Variants in ARHGAP25 observed in about 807,000 individuals in gnomAD.
The protein encoded by ARHGAP25 is Rho GTPase activating protein 25.
A neutral mutation model predicts 71.0 loss-of-function variants in ARHGAP25; 34 were observed. The ratio of observed to expected loss-of-function variants is 0.48; its 90% CI spans 0.36 to 0.64. The LOEUF (loss-of-function observed/expected upper bound fraction) is 0.64. Ranked by LOEUF, ARHGAP25 falls within the 30% of genes least tolerant of loss-of-function variation. ARHGAP25 has a pLI of 0.00. For synonymous variants in ARHGAP25, 282 were observed against 296.5 expected, an observed-to-expected ratio of 0.95 and a Z score of 0.50; for missense variants, 706 against 805.1, an observed-to-expected ratio of 0.88 and a Z score of 1.49.
At chr2:68,721,209 G>A (rs558065049) in intron 2 of ARHGAP25, among the ~76,000 whole-genome samples, 9 of 152,238 alleles carry the variant, frequency 5.9e-5, no homozygotes, top group Admixed American at 2.6e-4. Context: ...GGTTGGTGAC[G>A]CCTTTTATGA....
At chr2:68,765,569 A>G (rs1011017741) in intron 1 of ARHGAP25, among the ~76,000 whole-genome samples, 6 of 152,200 alleles carry the variant, frequency 3.9e-5, no homozygotes, top group African/African-American at 1.4e-4. Flanking sequence ...TTATGCTAAG[A>G]TATTTTAAAA....
intron 1 of ARHGAP25, among the ~76,000 whole-genome samples, chr2:68,760,589 A>G (rs1676743503): frequency 6.6e-6 from 1 of 152,070 alleles, no homozygotes; most frequent in Non-Finnish European, 1.5e-5. Flanking sequence ...TTACAATACC[A>G]TCAAAAAGAA....
In ARHGAP25 at chr2:68,749,471, A is replaced by G. The variant is rs541651894; in HGVS notation, c.61+14211A>G. On this transcript the variant is annotated intron_variant, in intron 1 of 10. Transcript: ENST00000409202. ...CTTCTCTTACCTCCCTTTCAAGCCT[A>G]GATTCCACTGTAAGCCTCTTAACCA... is the stretch of plus-strand genomic sequence containing the variant. Among the ~76,000 whole-genome samples the G allele has an allele frequency of 4.6e-5, 7 of 152,282 alleles. No homozygotes were observed. The East Asian group carries it at 1.4e-3, about 29-fold the overall frequency.
rs1573522013 is a variant in ARHGAP25 at position 68,782,763 on chromosome 2, G to T, written c.349+443G>T. On this transcript the variant is annotated intron_variant, in intron 3 of 10. Transcript: ENST00000409202. The stretch of plus-strand genomic sequence containing the variant: ...AAATTATAAAAATTCAGCAGCCTCA[G>T]ATGGTTCCACCCATTGCATCTCACC... Among the ~76,000 whole-genome samples, 6 of 152,206 alleles carry T rather than the reference G, an allele frequency of 3.9e-5. No homozygotes were observed. The South Asian group carries it at 1.2e-3, about 31-fold the overall frequency.
intron 1 of ARHGAP25, among the ~76,000 whole-genome samples, chr2:68,755,237 A>G (rs1285984207): frequency 6.6e-6 from 1 of 152,150 alleles, no homozygotes; most frequent in Non-Finnish European, 1.5e-5. Context: ...CCACATGAAC[A>G]CACCCACACA....
intron 7 of ARHGAP25, chr2:68,816,868 T>A (rs1681268386): frequency 6.5e-6 from 1 of 152,984 alleles, no homozygotes. Flanking sequence ...TAAAAATAAT[T>A]TGTTGTAGTT....
chr2:68,760,448 C>A (rs573018831), intron 1 of ARHGAP25, among the ~76,000 whole-genome samples: 2 of 151,880 alleles, frequency 1.3e-5, no homozygotes, highest in East Asian at 3.9e-4. Context: ...CCTAAGGATT[C>A]GACCAAAAAG....
chr2:68,822,704 C>T lies in ARHGAP25; in HGVS notation c.1565C>T (p.Ser522Phe), dbSNP rs1273766001. The T allele has an allele frequency of 6.2e-7, 1 of 1,614,066 alleles. No individual in the cohort carries two copies. The highest frequency in any genetic ancestry group is 8.5e-7 in the Non-Finnish European group (1 of 1,180,054). Residue 522 changes from serine (S) to phenylalanine (F), a missense_variant, in exon 10 of 11, where the codon TCC (serine) becomes TTC (phenylalanine). Transcript: ENST00000409202. ...GGGGAGGAAGCCAGTGCACTCTCTT[C>T]CCAAGCCTGTGACTCCAAGGGAGAT... ...SPGEEASALS[S>F]QACDSKGDTL...
chr2:68,776,507 A>G (rs924432887), intron 2 of ARHGAP25, among the ~76,000 whole-genome samples: 2 of 152,222 alleles, frequency 1.3e-5, no homozygotes, highest in Non-Finnish European at 2.9e-5. Context: ...GCTTCTGGAT[A>G]TACTTTGAAA....
intron 1 of ARHGAP25, among the ~76,000 whole-genome samples, chr2:68,741,043 C>T (rs757593065): frequency 4.6e-5 from 7 of 152,158 alleles, no homozygotes; most frequent in Non-Finnish European, 7.4e-5. Flanking sequence ...ATATTTCATG[C>T]GTATGACATA....
intron 1 of ARHGAP25, among the ~76,000 whole-genome samples, chr2:68,757,444 T>C (rs535709592): frequency 9.2e-5 from 14 of 152,276 alleles, no homozygotes; most frequent in South Asian, 4.2e-4. Context: ...GAATTTTCAA[T>C]AAGATTATGG....
At chr2:68,823,949 C>A (rs532014982) in intron 10 of ARHGAP25, among the ~76,000 whole-genome samples, 69 of 152,282 alleles carry the variant, frequency 4.5e-4, no homozygotes, top group Non-Finnish European at 7.2e-4. Flanking sequence ...CAGCTGTTCC[C>A]ATATCAGCAC....
At chr2:68,804,689 A>G (rs1204654432) in intron 4 of ARHGAP25, among the ~76,000 whole-genome samples, 1 of 152,242 alleles carries the variant, frequency 6.6e-6, no homozygotes, top group African/African-American at 2.4e-5. Context: ...GTGCTGGCAC[A>G]TGGCAGGGCA....
intron 3 of ARHGAP25, among the ~76,000 whole-genome samples, chr2:68,786,133 A>G (rs1042674637): frequency 6.6e-6 from 1 of 152,164 alleles, no homozygotes; most frequent in African/African-American, 2.4e-5. Context: ...TAACCAGAAG[A>G]GTTAGTCCAT....
chr2:68,742,785 T>C (rs1026772309), intron 1 of ARHGAP25, among the ~76,000 whole-genome samples: 1 of 152,214 alleles, frequency 6.6e-6, no homozygotes, highest in African/African-American at 2.4e-5. Context: ...TCTGCAGATA[T>C]CTCCTTTCCT....
chr2:68,794,529 T>C (rs891936918), intron 4 of ARHGAP25, among the ~76,000 whole-genome samples: 4 of 152,220 alleles, frequency 2.6e-5, no homozygotes, highest in African/African-American at 9.6e-5. Context: ...GAGATGATCA[T>C]ATGGCTTTTG....
chr2:68,759,063 AC>A (rs1676652819), intron 1 of ARHGAP25, among the ~76,000 whole-genome samples: 1 of 151,910 alleles, frequency 6.6e-6, no homozygotes, highest in Non-Finnish European at 1.5e-5. Flanking sequence ...GTGAATGAAA[AC>A]AAAAACACTA....
chr2:68,783,443 TG>T (rs1284133766), intron 3 of ARHGAP25, among the ~76,000 whole-genome samples: 2 of 151,984 alleles, frequency 1.3e-5, no homozygotes, highest in Admixed American at 1.3e-4. Flanking sequence ...CTTGCTTGTT[TG>T]TTTTTTTTGT....
chr2:68,812,809 C>G (rs1242586458), intron 5 of ARHGAP25, among the ~76,000 whole-genome samples: 1 of 152,092 alleles, frequency 6.6e-6, no homozygotes, highest in African/African-American at 2.4e-5. Context: ...AATAGGTTTT[C>G]TTGATGCTTA....
Sources: allele counts gnomAD v4.1 joint callset (sites outside exome capture counted in the v4.1 genomes callset), GRCh38; gene constraint gnomAD v4.1.1; transcripts MANE v1.5; gene names NCBI Gene and HGNC (gene_info 2026-07-23, HGNC 2026-07-21).